MMP26: variants seen among roughly 807,000 people sequenced by gnomAD.
MMP26 encodes matrix metallopeptidase 26.
MMP26 carries 33 observed loss-of-function variants against 31.0 expected under a neutral mutation model. The ratio of observed to expected loss-of-function variants is 1.06; its 90% CI spans 0.81 to 1.42. The LOEUF (loss-of-function observed/expected upper bound fraction) is 1.42, where lower values mean the gene tolerates loss of function less well. MMP26 is among the 40% of genes most tolerant of loss of function. The pLI is 0.00. For synonymous variants in MMP26, 122 were observed against 114.9 expected (o/e 1.06, Z -0.40); for missense variants, 347 against 316.1 (o/e 1.10, Z -0.74).
At chr11:4,725,904 A>G (rs1310177169) in intron 1 of MMP26, among the ~76,000 whole-genome samples, 10 of 152,202 alleles carry the variant, frequency 6.6e-5, no homozygotes. Flanking sequence ...CCAGAAGTAC[A>G]CTGTGTGCAT....
At chr11:4,803,826 C>T in intron 2 of MMP26, 1 of 1,613,070 alleles carries the variant, frequency 6.2e-7, no homozygotes, top group Non-Finnish European at 8.5e-7. Flanking sequence ...TCAGCACAGC[C>T]ATGTGCTCAC....
intron 2 of MMP26, among the ~76,000 whole-genome samples, chr11:4,771,797 TGA>T (rs1848725870): frequency 1.3e-5 from 2 of 152,200 alleles, no homozygotes; most frequent in Admixed American, 1.3e-4. Flanking sequence ...AGAAACATTA[TGA>T]AAATATTTAA....
At chr11:4,821,590 C>T in intron 2 of MMP26, 1 of 1,613,506 alleles carries the variant, frequency 6.2e-7, no homozygotes, top group Non-Finnish European at 8.5e-7. Flanking sequence ...TGAACGGAGC[C>T]TCCATAAGCC....
intron 2 of MMP26, among the ~76,000 whole-genome samples, chr11:4,921,708 T>C (rs904087414): frequency 6.6e-6 from 1 of 152,244 alleles, no homozygotes; most frequent in Non-Finnish European, 1.5e-5. Flanking sequence ...TATGTATTCA[T>C]GATCATATGC....
intron 2 of MMP26, among the ~76,000 whole-genome samples, chr11:4,871,448 A>G (rs1277850334): frequency 6.6e-6 from 1 of 152,100 alleles, no homozygotes; most frequent in Non-Finnish European, 1.5e-5. Context: ...ATAGTTAGTG[A>G]TGCACGTTCA....
At chr11:4,863,119 C>A (rs1439899913) in intron 2 of MMP26, among the ~76,000 whole-genome samples, 9 of 152,040 alleles carry the variant, frequency 5.9e-5, no homozygotes, top group Non-Finnish European at 1.3e-4. Flanking sequence ...TTCTGAGAAC[C>A]TGCTGAAGCC....
Position 4,840,733 on chromosome 11 carries a change from C to G in MMP26, c.-145+73392C>G, listed in dbSNP as rs144582099. 3.4e-3 allele frequency among the ~76,000 whole-genome samples: 510 copies of G among 152,192 alleles called. 6 individuals are homozygous for G. Among genetic ancestry groups the G allele is most frequent in the Middle Eastern group, 0.01 (3 of 294 alleles). ...TACAAAGAAGCCCAGACAGTGAAGA[C>G]TACAATAAATAAACAATTCTTGAAT... On this transcript the variant is annotated intron_variant, in intron 2 of 7. Coordinates refer to ENST00000380390, the MANE Select transcript of MMP26 (RefSeq NM_021801.5).
chr11:4,745,331 G>T (rs1374613135), intron 1 of MMP26, among the ~76,000 whole-genome samples: 1 of 152,192 alleles, frequency 6.6e-6, no homozygotes, highest in Non-Finnish European at 1.5e-5. Context: ...GACTGGCTGA[G>T]TATCAGGTAT....
At chr11:4,739,984 A>G (rs73390856) in intron 1 of MMP26, among the ~76,000 whole-genome samples, 9,026 of 152,268 alleles carry the variant, frequency 0.059, 900 homozygotes, top group African/African-American at 0.21. Context: ...ATGAAATATT[A>G]TGGCAAAGGT....
chr11:4,904,502 C>G (rs888483053), intron 2 of MMP26, among the ~76,000 whole-genome samples: 1 of 152,094 alleles, frequency 6.6e-6, no homozygotes, highest in African/African-American at 2.4e-5. Context: ...GCAAGATCCT[C>G]TCAACAATCT....
At chr11:4,940,599 T>C (rs1348259404) in intron 2 of MMP26, among the ~76,000 whole-genome samples, 1 of 152,202 alleles carries the variant, frequency 6.6e-6, no homozygotes. Context: ...CACTGTTTTA[T>C]GAAGCTCTAA....
intron 2 of MMP26, among the ~76,000 whole-genome samples, chr11:4,768,198 C>T (rs531648911): frequency 2.2e-4 from 33 of 152,310 alleles, no homozygotes; most frequent in Non-Finnish European, 4.1e-4. Flanking sequence ...CCCCAAACTT[C>T]CTTGTAATTT....
At chr11:4,741,670 A>T (rs1848314133) in intron 1 of MMP26, among the ~76,000 whole-genome samples, 1 of 151,858 alleles carries the variant, frequency 6.6e-6, no homozygotes, top group Non-Finnish European at 1.5e-5. Context: ...GAGGGGAGGG[A>T]ACTTAGAGGA....
At chr11:4,829,833 G>T (rs1254361679) in intron 2 of MMP26, among the ~76,000 whole-genome samples, 1 of 152,178 alleles carries the variant, frequency 6.6e-6, no homozygotes, top group Non-Finnish European at 1.5e-5. Context: ...ACTGGCTTAT[G>T]TTGAGCCTTT....
chr11:4,787,635 A>T (rs898703973), intron 2 of MMP26: 1 of 152,234 alleles, frequency 6.6e-6, no homozygotes, highest in Non-Finnish European at 1.5e-5. Context: ...CCCATCATAT[A>T]TAGTGTGAAG....
At chr11:4,773,776 C>T (rs1035043301) in intron 2 of MMP26, among the ~76,000 whole-genome samples, 5 of 152,050 alleles carry the variant, frequency 3.3e-5, no homozygotes, top group African/African-American at 1.2e-4. Flanking sequence ...TTTCCTAATA[C>T]TCTCCCTTTG....
At chr11:4,718,468 T>A in intron 1 of MMP26, 1 of 152,342 alleles carries the variant, frequency 6.6e-6, no homozygotes, top group East Asian at 1.9e-4. Context: ...CATTAACCAA[T>A]CTTTATGGGC....
chr11:4,927,587 T>C (rs1168619917), intron 2 of MMP26, among the ~76,000 whole-genome samples: 1 of 152,072 alleles, frequency 6.6e-6, no homozygotes, highest in Non-Finnish European at 1.5e-5. Flanking sequence ...TAGGGATCTA[T>C]GTGTTCTGAC....
chr11:4,981,074 AAAG>A (rs1366241788), intron 2 of MMP26, among the ~76,000 whole-genome samples: 1 of 152,134 alleles, frequency 6.6e-6, no homozygotes, highest in Non-Finnish European at 1.5e-5. Context: ...AAAACTTATA[AAAG>A]AAGAAATTTA....
Sources: gnomAD v4.1 joint callset for allele counts (sites outside exome capture counted in the v4.1 genomes callset) on GRCh38, gnomAD v4.1.1 for gene constraint, MANE v1.5 for transcripts, NCBI Gene and HGNC (gene_info 2026-07-23, HGNC 2026-07-21) for gene names.